Variants in TET2 observed in about 807,000 individuals in gnomAD.
The protein encoded by TET2 is tet methylcytosine dioxygenase 2.
A neutral mutation model predicts 142.9 loss-of-function variants in TET2; 299 were observed. The observed-to-expected ratio is 2.09, with a 90% CI of 1.90 to 2.30. The LOEUF (loss-of-function observed/expected upper bound fraction) is 2.30, where lower values mean the gene tolerates loss of function less well. TET2 is among the 30% of genes most tolerant of loss of function. TET2 has a pLI of 0.00. For synonymous variants in TET2, 819 were observed against 849.0 expected (o/e 0.96, Z 0.61); for missense variants, 2,418 against 2,378.0 (o/e 1.02, Z -0.35).
intron 1 of TET2, among the ~76,000 whole-genome samples, chr4:105,163,554 T>C (rs192459882): frequency 2.6e-5 from 4 of 152,300 alleles, no homozygotes; most frequent in Admixed American, 1.3e-4. Flanking sequence ...TTAAGTACCA[T>C]GCTAAGCACT....
In TET2 at chr4:105,231,032, A is replaced by G. The variant is rs953011446; in HGVS notation, c.-46-2865A>G. On this transcript the variant is annotated intron_variant, in intron 2 of 10. Coordinates refer to ENST00000380013, the MANE Select transcript of TET2 (RefSeq NM_001127208.3). Reference sequence around the variant, plus strand: ...AAATCCCATCCTTATCTTGTAGCATATTTCTGTGGTTTGGGTCTATTTTTG... The same window carrying G: ...AAATCCCATCCTTATCTTGTAGCATGTTTCTGTGGTTTGGGTCTATTTTTG... Among the ~76,000 whole-genome samples the G allele has an allele frequency of 4.6e-5, 7 of 152,144 alleles. No individual in the cohort carries two copies. The East Asian group carries it at 1.4e-3, about 29-fold the overall frequency.
In TET2 at chr4:105,236,032, C is replaced by T; in HGVS notation, c.2090C>T (p.Pro697Leu). The T allele has an allele frequency of 1.2e-6, 2 of 1,614,140 alleles. No homozygotes were observed. Among genetic ancestry groups the T allele is most frequent in the Non-Finnish European group, 1.7e-6 (2 of 1,180,018 alleles). Reference protein sequence around the residue: ...ADSQTEKLMSPVLKQHLNQQA... With the variant: ...ADSQTEKLMSLVLKQHLNQQA... ...TCCCAAACTGAAAAACTTATGTCCCCAGTGTTGAAACAGCACTTGAATCAA... is the reference window on the plus strand; with the variant it reads ...TCCCAAACTGAAAAACTTATGTCCCTAGTGTTGAAACAGCACTTGAATCAA... Residue 697 changes from proline to leucine, a missense_variant, in exon 3 of 11, where the codon CCA (proline) becomes CTA (leucine). Transcript: ENST00000380013.
chr4:105,234,846 G>A lies in TET2; in HGVS notation c.904G>A (p.Asp302Asn). Reference sequence around the variant, plus strand: ...TGAGGCCTGTGATGCTGATGATGCTGATAATGCCAGTAAACTAGCTGCAAT... The same window carrying A: ...TGAGGCCTGTGATGCTGATGATGCTAATAATGCCAGTAAACTAGCTGCAAT... ...VSEACDADDA[D>N]NASKLAAMLN... The change falls in exon 3 of 11, where the codon GAT (aspartate) becomes AAT (asparagine). Residue 302 changes from aspartate to asparagine, a missense_variant. Physicochemically the swap from Asp to Asn is conservative, Grantham distance 23. Transcript: ENST00000380013. The A allele has an allele frequency of 6.2e-7, 1 of 1,614,062 alleles. No homozygotes were observed. The highest frequency in any genetic ancestry group is 2.2e-5 in the East Asian group (1 of 44,840).
At chr4:105,220,761 A>C (rs1450921605) in intron 2 of TET2, among the ~76,000 whole-genome samples, 1 of 152,156 alleles carries the variant, frequency 6.6e-6, no homozygotes, top group African/African-American at 2.4e-5. Flanking sequence ...AGAGGCCTAC[A>C]AGGGCTCTCA....
Position 105,234,956 on chromosome 4 carries a change from TAACATCC to T in TET2, c.1016_1022del (p.Asn339ArgfsTer6). The T allele has an allele frequency of 6.2e-7, 1 of 1,613,830 alleles. No homozygotes were observed. Among genetic ancestry groups the T allele is most frequent in the Non-Finnish European group, 8.5e-7 (1 of 1,179,946 alleles). On this transcript the variant is annotated frameshift_variant, in exon 3 of 11. Transcript: ENST00000380013. LOFTEE classifies it high-confidence loss of function. The stretch of plus-strand genomic sequence containing the variant: ...AGATATGCCCATCTCCTGCAGAAAA[TAACATCC>T]AGGGAACCACAAAGCTAGCGTCTGG...
intron 8 of TET2, among the ~76,000 whole-genome samples, chr4:105,263,008 G>A (rs1730518582): frequency 6.7e-6 from 1 of 150,284 alleles, no homozygotes; most frequent in African/African-American, 2.4e-5. Context: ...CATCCTGGGT[G>A]ACAAAGATGA....
At chr4:105,162,188 C>T (rs192077122) in intron 1 of TET2, among the ~76,000 whole-genome samples, 11 of 152,292 alleles carry the variant, frequency 7.2e-5, no homozygotes, top group African/African-American at 2.6e-4. Context: ...GTGATGATAA[C>T]ATTCGTGCAA....
At chr4:105,169,934 G>T (rs766721977) in intron 1 of TET2, among the ~76,000 whole-genome samples, 5 of 150,230 alleles carry the variant, frequency 3.3e-5, no homozygotes, top group Non-Finnish European at 4.4e-5. Flanking sequence ...CCCCCCATTG[G>T]TCTCTGTACC....
At chr4:105,203,448 T>C (rs984636981) in intron 2 of TET2, among the ~76,000 whole-genome samples, 1 of 152,240 alleles carries the variant, frequency 6.6e-6, no homozygotes, top group African/African-American at 2.4e-5. Flanking sequence ...GAATGTGCTT[T>C]GTGTCAGACA....
At chr4:105,242,451 A>G (rs993585067) in intron 4 of TET2, 6 of 1,102,342 alleles carry the variant, frequency 5.4e-6, no homozygotes, top group Non-Finnish European at 6.7e-6. Context: ...ACTAAAATCT[A>G]TTATGACTCC....
At chr4:105,233,200 A>G (rs767011250) in intron 2 of TET2, among the ~76,000 whole-genome samples, 54 of 151,972 alleles carry the variant, frequency 3.6e-4, no homozygotes, top group Admixed American at 5.9e-4. Flanking sequence ...CCTGGCCAAC[A>G]TAGTAAAACC....
rs1729275003 is a variant in TET2, at chr4:105,241,133, T to A, written c.3410-206T>A. ...ATATCTGAAATGTAATATATTTTTA[T>A]CCAACAACCAGCATGTACATATACT... On this transcript the variant is annotated intron_variant, in intron 3 of 10. Transcript: ENST00000380013. 4 of 1,157,384 alleles carry A rather than the reference T, an allele frequency of 3.5e-6. No homozygotes were observed. The South Asian group carries it at 1.5e-4, about 44-fold the overall frequency. 71.7% of individuals were successfully genotyped at this position (1,157,384 alleles called of 1,614,324 possible). A position where few individuals can be genotyped will look rare whatever the true frequency, so the allele number is the denominator to read the frequency against.
At chr4:105,208,070 G>C (rs776300863) in intron 2 of TET2, among the ~76,000 whole-genome samples, 11 of 152,158 alleles carry the variant, frequency 7.2e-5, no homozygotes, top group Non-Finnish European at 1.3e-4. Context: ...TAGAAGTACA[G>C]ATCTGAGATT....
intron 9 of TET2, among the ~76,000 whole-genome samples, chr4:105,270,084 G>T (rs1235199958): frequency 1.3e-5 from 2 of 152,136 alleles, no homozygotes; most frequent in Non-Finnish European, 2.9e-5. Flanking sequence ...GGGAATTTTG[G>T]GAGCTACAAT....
At chr4:105,240,624 C>G in intron 3 of TET2, 1 of 1,080,030 alleles carries the variant, frequency 9.3e-7, no homozygotes, top group Non-Finnish European at 1.1e-6. Flanking sequence ...CCTCACTGGG[C>G]TAAAACACCA....
intron 4 of TET2, chr4:105,241,747 C>T: frequency 8.0e-7 from 1 of 1,253,554 alleles, no homozygotes; most frequent in South Asian, 3.9e-5. Flanking sequence ...AGAGGTCCCA[C>T]TCTGGCTTTC....
At chr4:105,203,953 C>T (rs746614142) in intron 2 of TET2, among the ~76,000 whole-genome samples, 5 of 151,996 alleles carry the variant, frequency 3.3e-5, no homozygotes, top group Non-Finnish European at 7.4e-5. Flanking sequence ...GTAATCGCAG[C>T]ACTTTGGGAG....
intron 6 of TET2, among the ~76,000 whole-genome samples, chr4:105,257,991 AG>A (rs1324681204): frequency 6.6e-6 from 1 of 152,100 alleles, no homozygotes; most frequent in East Asian, 1.9e-4. Flanking sequence ...CAACCAGTCT[AG>A]AGTATATCCA....
At chr4:105,215,703 T>G (rs1349882188) in intron 2 of TET2, among the ~76,000 whole-genome samples, 1 of 152,184 alleles carries the variant, frequency 6.6e-6, no homozygotes, top group Non-Finnish European at 1.5e-5. Flanking sequence ...TCAGCCAGTT[T>G]TTTTTTCCCC....
Sources: allele counts gnomAD v4.1 joint callset (sites outside exome capture counted in the v4.1 genomes callset), GRCh38; gene constraint gnomAD v4.1.1; transcripts MANE v1.5; gene names NCBI Gene and HGNC (gene_info 2026-07-23, HGNC 2026-07-21).